The following TJP1 variants were observed in gnomAD, a reference collection of about 807,000 sequenced individuals.
The protein encoded by TJP1 is tight junction protein 1, also known as tight junction protein ZO-1.
In TJP1, 43 loss-of-function variants were observed where a neutral mutation model predicts 194.2. The ratio of observed to expected loss-of-function variants is 0.22; its 90% CI spans 0.17 to 0.29. TJP1 has a LOEUF of 0.29. Among genes scored for constraint, TJP1 ranks in the 10% least tolerant of loss-of-function variants. The pLI, the probability that TJP1 is intolerant of heterozygous loss-of-function variation, is 1.00. For synonymous variants in TJP1, 801 were observed against 779.0 expected (o/e 1.03, Z -0.47); for missense variants, 1,971 against 2,185.7 (o/e 0.90, Z 1.96).
intron 2 of TJP1, among the ~76,000 whole-genome samples, chr15:29,911,543 GAAGC>G (rs2054012736): frequency 6.6e-6 from 1 of 152,142 alleles, no homozygotes; most frequent in Non-Finnish European, 1.5e-5. Flanking sequence ...AGGCAAAGGG[GAAGC>G]ATGCACATCT....
At chr15:29,744,714 C>A (rs576959787) in intron 8 of TJP1, among the ~76,000 whole-genome samples, 19 of 152,160 alleles carry the variant, frequency 1.2e-4, no homozygotes, top group African/African-American at 4.6e-4. Context: ...AACTTTATTT[C>A]CAAACATATA....
In TJP1 at chr15:29,706,076, C is replaced by T. The variant is rs1043644912; in HGVS notation, c.4851-331G>A. 3.2e-4 allele frequency among the ~76,000 whole-genome samples: 49 copies of T among 152,012 alleles called. 1 individual carries two copies. Among genetic ancestry groups the T allele is most frequent in the African/African-American group, 2.4e-5 (1 of 41,376 alleles). On this transcript the variant is annotated intron_variant, in intron 25 of 27. Transcript: ENST00000614355. ...CCTCCCATGTAGCTGGGACTACAGG[C>T]GCACGCCACCAAGCCTGGCTAATTT...
At chr15:29,834,853 C>G (rs2050972056) in intron 2 of TJP1, among the ~76,000 whole-genome samples, 1 of 152,164 alleles carries the variant, frequency 6.6e-6, no homozygotes, top group Non-Finnish European at 1.5e-5. Context: ...CCTGTTTTGT[C>G]TTTCTGAAAA....
chr15:29,742,293 A>T (rs931970525), intron 9 of TJP1, among the ~76,000 whole-genome samples: 2 of 152,084 alleles, frequency 1.3e-5, no homozygotes, highest in Non-Finnish European at 2.9e-5. Flanking sequence ...TATACTCCAT[A>T]AAATGTTTAT....
At chr15:29,873,081 G>A (rs1381332525) in intron 2 of TJP1, among the ~76,000 whole-genome samples, 6 of 152,200 alleles carry the variant, frequency 3.9e-5, no homozygotes, top group Admixed American at 3.9e-4. Context: ...TTTCACAGAT[G>A]AAAACTGGTA....
intron 2 of TJP1, among the ~76,000 whole-genome samples, chr15:29,940,927 G>T (rs1484228083): frequency 1.3e-5 from 2 of 152,066 alleles, no homozygotes; most frequent in Non-Finnish European, 2.9e-5. Context: ...AGCACCCAGA[G>T]ATGAGTCCAC....
intron 8 of TJP1, among the ~76,000 whole-genome samples, chr15:29,745,965 C>A (rs45609139): frequency 1.3e-5 from 2 of 152,096 alleles, no homozygotes; most frequent in Non-Finnish European, 2.9e-5. Context: ...TGGGGGTGAA[C>A]TGGGGGTGAA....
chr15:29,846,642 G>A (rs978843957), intron 2 of TJP1, among the ~76,000 whole-genome samples: 3 of 152,062 alleles, frequency 2.0e-5, no homozygotes, highest in African/African-American at 7.2e-5. Flanking sequence ...AAGAAAACAA[G>A]GGGCCTGATG....
At chr15:29,963,855 T>C (rs2056245480) in intron 1 of TJP1, among the ~76,000 whole-genome samples, 1 of 152,140 alleles carries the variant, frequency 6.6e-6, no homozygotes, top group South Asian at 2.1e-4. Context: ...GGTTTCACCA[T>C]GTTGGCCAGG....
chr15:29,906,368 G>A (rs2053810706), intron 2 of TJP1, among the ~76,000 whole-genome samples: 1 of 151,654 alleles, frequency 6.6e-6, no homozygotes, highest in Non-Finnish European at 1.5e-5. Context: ...AGCTACTCAG[G>A]AGGCTGAGGC....
Position 29,767,052 on chromosome 15 carries a change from G to A in TJP1, c.313-510C>T, listed in dbSNP as rs182925423. Among the ~76,000 whole-genome samples, 4 of 152,250 alleles carry A rather than the reference G, an allele frequency of 2.6e-5. No individual in the cohort carries two copies. In the East Asian group the frequency reaches 7.7e-4, roughly 29 times the overall value. ...CCGCACTAACATTCAATAATATGTT[G>A]GAGCTAATTAACTCAGCCGTACTTC... is the stretch of plus-strand genomic sequence containing the variant. On this transcript the variant is annotated intron_variant, in intron 4 of 27. Transcript: ENST00000614355.
intron 1 of TJP1, among the ~76,000 whole-genome samples, chr15:29,819,135 A>C (rs1405270580): frequency 6.6e-6 from 1 of 152,200 alleles, no homozygotes. Context: ...ATTTTTAAGT[A>C]GTATTCTACA....
chr15:29,733,387 A>G (rs1486134303), intron 12 of TJP1, 74 bp from the exon 13 acceptor site: 2 of 1,010,012 alleles, frequency 2.0e-6, no homozygotes, highest in African/African-American at 3.2e-5. Context: ...CATTATGTAA[A>G]GATGCTATGA....
intron 22 of TJP1, 122 bp from the exon 23 acceptor site, chr15:29,716,960 G>C: frequency 4.8e-6 from 4 of 830,168 alleles, no homozygotes; most frequent in Non-Finnish European, 7.4e-6. Context: ...TGATTACTGA[G>C]GATCTGAGCA....
intron 8 of TJP1, among the ~76,000 whole-genome samples, chr15:29,744,767 C>T (rs953286431): frequency 2.0e-5 from 3 of 152,126 alleles, no homozygotes; most frequent in Non-Finnish European, 4.4e-5. Context: ...ATGTACTCAT[C>T]GTCGACAATT....
chr15:29,800,199 C>T (rs1045436625), intron 2 of TJP1, among the ~76,000 whole-genome samples: 4 of 152,176 alleles, frequency 2.6e-5, no homozygotes, highest in Non-Finnish European at 4.4e-5. Context: ...TCTCTCTTCT[C>T]GCATCTGCAA....
chr15:29,733,207 C>T lies in TJP1; in HGVS notation c.1623G>A (p.Glu541=). ...ACAAGGTATCCACAACACGGAACAC[C>T]TCTCCTTTGTTAAAACTAAGTCCAT... ...SPYGLSFNKG[E]VFRVVDTLYN... Residue 541 remains glutamate, a synonymous_variant, in exon 13 of 28, where the codon GAG becomes GAA. Transcript: ENST00000614355. The T allele has an allele frequency of 6.2e-7, 1 of 1,614,058 alleles. No homozygotes were observed. Among genetic ancestry groups the T allele is most frequent in the Non-Finnish European group, 8.5e-7 (1 of 1,179,992 alleles).
chr15:29,918,035 G>A (rs2054241098), intron 2 of TJP1, among the ~76,000 whole-genome samples: 1 of 151,876 alleles, frequency 6.6e-6, no homozygotes, highest in Non-Finnish European at 1.5e-5. Context: ...TCTTCTCTAT[G>A]ACTCTGTCTA....
chr15:29,739,779 C>T (rs191687560), intron 10 of TJP1, among the ~76,000 whole-genome samples: 113 of 151,958 alleles, frequency 7.4e-4, no homozygotes, highest in African/African-American at 2.5e-3. Flanking sequence ...GTTTCCTAAA[C>T]CTCAAACACT....
Sources: allele counts gnomAD v4.1 joint callset (sites outside exome capture counted in the v4.1 genomes callset), GRCh38; gene constraint gnomAD v4.1.1; transcripts MANE v1.5; gene names NCBI Gene and HGNC (gene_info 2026-07-23, HGNC 2026-07-21).